NMNAT3: variants seen among roughly 807,000 people sequenced by gnomAD.
NMNAT3 encodes the protein nicotinamide/nicotinic acid mononucleotide adenylyltransferase 3.
A neutral mutation model predicts 24.8 loss-of-function variants in NMNAT3; 21 were observed. The ratio of observed to expected loss-of-function variants is 0.85; its 90% CI spans 0.60 to 1.22. The LOEUF is 1.22. Ranked by LOEUF, NMNAT3 falls within the 50% of genes most tolerant of loss-of-function variation. The pLI is 0.00. For synonymous variants in NMNAT3, 136 were observed against 155.2 expected, an observed-to-expected ratio of 0.88 and a Z score of 0.92; for missense variants, 387 against 436.6, an observed-to-expected ratio of 0.89 and a Z score of 1.01.
At chr3:139,642,043 C>T (rs2056721416) in intron 1 of NMNAT3, among the ~76,000 whole-genome samples, 1 of 152,308 alleles carries the variant, frequency 6.6e-6, no homozygotes, top group African/African-American at 2.4e-5. Context: ...TGAAAGAGCA[C>T]TGATGAGAAA....
intron 1 of NMNAT3, among the ~76,000 whole-genome samples, chr3:139,656,773 C>T (rs149617910): frequency 1.3e-4 from 20 of 152,258 alleles, no homozygotes; most frequent in African/African-American, 4.8e-4. Flanking sequence ...GTCTGGGTGA[C>T]AGAGTGAGAC....
At chr3:139,676,698 A>T (rs761197767) in intron 1 of NMNAT3, among the ~76,000 whole-genome samples, 39 of 152,184 alleles carry the variant, frequency 2.6e-4, no homozygotes, top group Non-Finnish European at 4.9e-4. Flanking sequence ...GCCAGGGTAA[A>T]GTGGGCGCCA....
chr3:139,655,934 C>T (rs552291532), intron 1 of NMNAT3, among the ~76,000 whole-genome samples: 1 of 152,152 alleles, frequency 6.6e-6, no homozygotes, highest in Non-Finnish European at 1.5e-5. Flanking sequence ...CTGGCCATCC[C>T]CTCACACTCT....
rs1230558330 is a variant in NMNAT3, at chr3:139,568,380, G to C, written c.658+5218C>G. 3.9e-5 allele frequency: 6 copies of C among 152,172 alleles called. No individual in the cohort carries two copies. In the East Asian group the frequency reaches 1.2e-3, roughly 29 times the overall value. 9.4% of individuals were successfully genotyped at this position (152,172 alleles called of 1,614,324 possible). ...TGATTTTAGTTATTTCTTGCCTTCTGCTAGCTTTTGAATGTGTTTGCTCTT... is the reference window on the plus strand; with the variant it reads ...TGATTTTAGTTATTTCTTGCCTTCTCCTAGCTTTTGAATGTGTTTGCTCTT... On this transcript the variant is annotated intron_variant, in intron 6 of 6. Coordinates refer to ENST00000643695, the MANE Select transcript of NMNAT3 (RefSeq NM_001320510.2).
At chr3:139,673,267 T>C (rs953241149) in intron 1 of NMNAT3, among the ~76,000 whole-genome samples, 14 of 152,122 alleles carry the variant, frequency 9.2e-5, no homozygotes, top group African/African-American at 3.4e-4. Context: ...ATGAGATGTA[T>C]GACGCTGAGA....
intron 1 of NMNAT3, among the ~76,000 whole-genome samples, chr3:139,671,578 A>G (rs2057757128): frequency 6.6e-6 from 1 of 151,934 alleles, no homozygotes; most frequent in South Asian, 2.1e-4. Flanking sequence ...TACAAAACAC[A>G]ACATGAGTAA....
intron 1 of NMNAT3, among the ~76,000 whole-genome samples, chr3:139,639,751 G>A (rs1311127244): frequency 6.6e-6 from 1 of 152,198 alleles, no homozygotes; most frequent in African/African-American, 2.4e-5. Flanking sequence ...CAGCATCCAT[G>A]AAACTGTGGC....
At chr3:139,622,841 ATATATAT>A (rs913855839) in intron 3 of NMNAT3, among the ~76,000 whole-genome samples, 11 of 118,220 alleles carry the variant, frequency 9.3e-5, no homozygotes, top group African/African-American at 2.9e-4. Flanking sequence ...AATATATATT[ATATATAT>A]TATATATATA....
At chr3:139,577,965 A>G (rs1337685426) in intron 5 of NMNAT3, 1 of 152,230 alleles carries the variant, frequency 6.6e-6, no homozygotes, top group Non-Finnish European at 1.5e-5. Context: ...AAAACACATT[A>G]TGAACAGGCC....
chr3:139,600,181 CTCTT>C (rs941052084), intron 3 of NMNAT3, among the ~76,000 whole-genome samples: 1 of 152,206 alleles, frequency 6.6e-6, no homozygotes, highest in Non-Finnish European at 1.5e-5. Context: ...TATGAGGTTT[CTCTT>C]TCTTTATTTC....
At chr3:139,670,673 A>C (rs2057728709) in intron 1 of NMNAT3, among the ~76,000 whole-genome samples, 1 of 152,242 alleles carries the variant, frequency 6.6e-6, no homozygotes, top group Non-Finnish European at 1.5e-5. Context: ...CATAATATCC[A>C]GTTCCTGAGG....
chr3:139,653,798 A>G (rs1254308229), intron 1 of NMNAT3, among the ~76,000 whole-genome samples: 3 of 152,076 alleles, frequency 2.0e-5, no homozygotes, highest in Non-Finnish European at 4.4e-5. Context: ...CCATTCACTC[A>G]CTGCTTGAGT....
intron 1 of NMNAT3, among the ~76,000 whole-genome samples, chr3:139,655,710 G>A (rs983857633): frequency 6.6e-6 from 1 of 152,218 alleles, no homozygotes; most frequent in Non-Finnish European, 1.5e-5. Flanking sequence ...TTTTGCCAAT[G>A]GCAATATAAT....
chr3:139,620,943 A>C (rs1395607569), intron 3 of NMNAT3, among the ~76,000 whole-genome samples: 1 of 152,194 alleles, frequency 6.6e-6, no homozygotes, highest in Non-Finnish European at 1.5e-5. Flanking sequence ...ACAGGCATGT[A>C]CTGCAATGCT....
At chr3:139,599,172 T>C in intron 3 of NMNAT3, 1 of 579,114 alleles carries the variant, frequency 1.7e-6, no homozygotes, top group Non-Finnish European at 3.0e-6. Context: ...TATCAGCATT[T>C]TATTAAAAAT....
At chr3:139,677,612 G>A in intron 1 of NMNAT3, 93 bp downstream of exon 1, 1 of 152,010 alleles carries the variant, frequency 6.6e-6, no homozygotes, top group East Asian at 1.9e-4. Flanking sequence ...GGGACTCCCA[G>A]GACTCAGTTA....
chr3:139,587,140 C>CA (rs1388822666), intron 3 of NMNAT3, among the ~76,000 whole-genome samples: 2 of 152,126 alleles, frequency 1.3e-5, no homozygotes, highest in African/African-American at 4.8e-5. Flanking sequence ...TGGCATGTGG[C>CA]GTGTATAGCA....
At chr3:139,640,084 A>C (rs1237060816) in intron 1 of NMNAT3, among the ~76,000 whole-genome samples, 1 of 152,106 alleles carries the variant, frequency 6.6e-6, no homozygotes, top group Admixed American at 6.5e-5. Flanking sequence ...GCATGGTGGG[A>C]CTCTGTAGTC....
intron 6 of NMNAT3, among the ~76,000 whole-genome samples, chr3:139,563,224 T>A (rs1425582766): frequency 6.6e-6 from 1 of 152,226 alleles, no homozygotes; most frequent in African/African-American, 2.4e-5. Flanking sequence ...ACAACACATA[T>A]GTATATTTGA....
Sources: allele counts gnomAD v4.1 joint callset (sites outside exome capture counted in the v4.1 genomes callset), GRCh38; gene constraint gnomAD v4.1.1; transcripts MANE v1.5; gene names NCBI Gene and HGNC (gene_info 2026-07-23, HGNC 2026-07-21).